MOB3B: variants seen among roughly 807,000 people sequenced by gnomAD.
The protein encoded by MOB3B is MOB kinase activator-like 2B.
In MOB3B, 7 loss-of-function variants were observed where a neutral mutation model predicts 18.7. The observed-to-expected ratio is 0.37, with a 90% CI of 0.21 to 0.70. The LOEUF is 0.70. Among genes scored for constraint, MOB3B ranks in the 30% least tolerant of loss-of-function variants. The pLI is 0.52. For synonymous variants in MOB3B, 111 were observed against 99.9 expected (o/e 1.11, Z -0.66); for missense variants, 253 against 281.3 (o/e 0.90, Z 0.72).
chr9:27,435,123 G>A (rs2131426532), intron 2 of MOB3B, among the ~76,000 whole-genome samples: 1 of 152,034 alleles, frequency 6.6e-6, no homozygotes, highest in African/African-American at 2.4e-5. Context: ...GTTAAATGAG[G>A]AGGGAGGGAA....
chr9:27,376,675 T>C (rs1034658697), intron 2 of MOB3B, among the ~76,000 whole-genome samples: 3 of 152,220 alleles, frequency 2.0e-5, no homozygotes, highest in African/African-American at 2.4e-5. Flanking sequence ...ACAGCCCTGG[T>C]TGAGAAATAC....
In MOB3B at chr9:27,524,239, C is replaced by T. The variant is rs1018262338; in HGVS notation, c.-199+5316G>A. ...TGAAATGACGAATGAGAAAACTCCTCCTGCTGAAGATATTCAGGTATATAA... is the reference window on the plus strand; with the variant it reads ...TGAAATGACGAATGAGAAAACTCCTTCTGCTGAAGATATTCAGGTATATAA... On this transcript the variant is annotated intron_variant, in intron 1 of 3. Transcript: ENST00000262244. The T allele has an allele frequency of 7.5e-5, 96 of 1,274,636 alleles. 1 individual carries two copies. The African/African-American group carries it at 1.4e-3, about 18-fold the overall frequency. 79.0% of individuals were successfully genotyped at this position (1,274,636 alleles called of 1,614,324 possible).
At chr9:27,339,402 G>A (rs1587140029) in intron 3 of MOB3B, among the ~76,000 whole-genome samples, 3 of 152,150 alleles carry the variant, frequency 2.0e-5, no homozygotes, top group Admixed American at 2.0e-4. Context: ...AGAAGTGAAC[G>A]AATGAATGAA....
intron 1 of MOB3B, among the ~76,000 whole-genome samples, chr9:27,491,124 G>C (rs1274010309): frequency 1.3e-5 from 2 of 152,040 alleles, no homozygotes; most frequent in Non-Finnish European, 2.9e-5. Flanking sequence ...GGAACGATGA[G>C]ATAATTATGT....
chr9:27,438,832 G>A (rs1230665924), intron 2 of MOB3B, among the ~76,000 whole-genome samples: 2 of 152,094 alleles, frequency 1.3e-5, no homozygotes, highest in East Asian at 3.9e-4. Context: ...AACTTCATGG[G>A]CCCCAAAGTG....
rs540708756 is a variant in MOB3B, at chr9:27,347,549, G to A, written c.621+11485C>T. Among the ~76,000 whole-genome samples, 127 of 152,306 alleles carry A rather than the reference G, an allele frequency of 8.3e-4. 1 individual carries two copies. Among genetic ancestry groups the A allele is most frequent in the African/African-American group, 3.0e-3 (123 of 41,566 alleles). ...GGACTTCTAGGGTAGGGTGGTGATC[G>A]CTGCCAGCAGGGGGTAACAAAAACA... On this transcript the variant is annotated intron_variant, in intron 3 of 3. Transcript: ENST00000262244.
chr9:27,455,616 G>A lies in MOB3B; in HGVS notation c.-66C>T, dbSNP rs940703011. ...AGGCACCTGGAACTTTTCAGGGAGA[G>A]ATCACAGCCCAACAGTGTTTTCCAC... is the stretch of plus-strand genomic sequence containing the variant. On this transcript the variant is annotated 5_prime_UTR_variant, in exon 2 of 4. Transcript: ENST00000262244. The A allele has an allele frequency of 8.1e-6, 13 of 1,604,396 alleles. No individual in the cohort carries two copies. The highest frequency in any genetic ancestry group is 1.0e-5 in the Non-Finnish European group (12 of 1,177,718).
chr9:27,363,140 T>G (rs1821296921), intron 2 of MOB3B, among the ~76,000 whole-genome samples: 1 of 152,214 alleles, frequency 6.6e-6, no homozygotes, highest in African/African-American at 2.4e-5. Context: ...CAAAGAAGTA[T>G]CCAATCTCCA....
In MOB3B at chr9:27,329,608, C is replaced by A. The variant is rs1016610078; in HGVS notation, c.*979G>T. ...CAGCCGTCTGGGTGTTAAATCTACA[C>A]GTACCAAATAACCAATTGTACTTTT... is the stretch of plus-strand genomic sequence containing the variant. On this transcript the variant is annotated 3_prime_UTR_variant, in exon 4 of 4. Coordinates refer to ENST00000262244, the MANE Select transcript of MOB3B (RefSeq NM_024761.5). The A allele has an allele frequency of 2.0e-5, 3 of 152,520 alleles. No individual in the cohort carries two copies. Among genetic ancestry groups the A allele is most frequent in the Admixed American group, 6.6e-5 (1 of 15,266 alleles). 9.4% of individuals were successfully genotyped at this position (152,520 alleles called of 1,614,324 possible). A position where few individuals can be genotyped will look rare whatever the true frequency, so the allele number is the denominator to read the frequency against.
intron 1 of MOB3B, among the ~76,000 whole-genome samples, chr9:27,483,709 TTA>T (rs1337568117): frequency 6.6e-6 from 1 of 152,136 alleles, no homozygotes; most frequent in Non-Finnish European, 1.5e-5. Flanking sequence ...GTGCACGTTG[TTA>T]TGTTTGGTAT....
chr9:27,342,438 C>T (rs1245486687), intron 3 of MOB3B, among the ~76,000 whole-genome samples: 2 of 151,900 alleles, frequency 1.3e-5, no homozygotes, highest in Non-Finnish European at 2.9e-5. Context: ...CTCTCCCTCC[C>T]CCTCCCCCTC....
intron 2 of MOB3B, among the ~76,000 whole-genome samples, chr9:27,364,697 T>G (rs1821318972): frequency 6.6e-6 from 1 of 152,202 alleles, no homozygotes; most frequent in African/African-American, 2.4e-5. Flanking sequence ...TATATTAATG[T>G]TATTTGTAGC....
At chr9:27,416,544 A>ATTTTTTTTTTTT (rs559806304) in intron 2 of MOB3B, among the ~76,000 whole-genome samples, 17 of 121,422 alleles carry the variant, frequency 1.4e-4, no homozygotes, top group East Asian at 3.4e-4. Context: ...TTTCTTTTTA[A>ATTTTTTTTTTTT]TTTTTTTTTT....
chr9:27,417,225 G>T (rs1371064911), intron 2 of MOB3B, among the ~76,000 whole-genome samples: 1 of 152,120 alleles, frequency 6.6e-6, no homozygotes, highest in South Asian at 2.1e-4. Flanking sequence ...TTAGCCAGGC[G>T]TGGTGGCGGG....
chr9:27,340,034 C>G (rs1157110904), intron 3 of MOB3B, among the ~76,000 whole-genome samples: 3 of 152,218 alleles, frequency 2.0e-5, no homozygotes, highest in African/African-American at 7.2e-5. Context: ...TCTTTCTGCT[C>G]TCTTTTAGGA....
chr9:27,445,878 A>C (rs959903754), intron 2 of MOB3B, among the ~76,000 whole-genome samples: 5 of 152,304 alleles, frequency 3.3e-5, no homozygotes, highest in Admixed American at 3.3e-4. Flanking sequence ...GGGGGTGGGC[A>C]ACACAATGAA....
intron 2 of MOB3B, among the ~76,000 whole-genome samples, chr9:27,410,469 G>T (rs771180117): frequency 1.3e-5 from 2 of 151,562 alleles, no homozygotes; most frequent in Non-Finnish European, 2.9e-5. Flanking sequence ...CTAGGAAATT[G>T]CCTAGAAAAG....
At chr9:27,350,052 T>C (rs7042966) in intron 3 of MOB3B, among the ~76,000 whole-genome samples, 17,517 of 152,182 alleles carry the variant, frequency 0.12, 2,641 homozygotes, top group African/African-American at 0.35. Flanking sequence ...CCACTAGACA[T>C]GTGGCTTTTG....
chr9:27,328,924 A>G lies in MOB3B; in HGVS notation c.*1663T>C, dbSNP rs1338444714. 6.6e-6 allele frequency: 1 copy of G among 152,670 alleles called. No homozygotes were observed. The highest frequency in any genetic ancestry group is 1.5e-5 in the Non-Finnish European group (1 of 68,052). 9.5% of individuals were successfully genotyped at this position (152,670 alleles called of 1,614,324 possible). On this transcript the variant is annotated 3_prime_UTR_variant, in exon 4 of 4. Coordinates refer to ENST00000262244, the MANE Select transcript of MOB3B (RefSeq NM_024761.5). ...TTATTGTTGACCAGGGCACAGCAAC[A>G]TGGTGAGGTAGCAGCAATTGGATTC...
Sources: allele counts gnomAD v4.1 joint callset (sites outside exome capture counted in the v4.1 genomes callset), GRCh38; gene constraint gnomAD v4.1.1; transcripts MANE v1.5; gene names NCBI Gene and HGNC (gene_info 2026-07-23, HGNC 2026-07-21).